Variants in ELP4 observed in about 807,000 individuals in gnomAD.
ELP4 encodes elongator acetyltransferase complex subunit 4, also known as elongator complex protein 4.
A neutral mutation model predicts 48.9 loss-of-function variants in ELP4; 51 were observed. The ratio of observed to expected loss-of-function variants is 1.04; its 90% CI spans 0.83 to 1.32. The LOEUF (loss-of-function observed/expected upper bound fraction) is 1.32, where lower values mean the gene tolerates loss of function less well. ELP4 is among the 40% of genes most tolerant of loss of function. The pLI is 0.00. For missense variants in ELP4, 519 were observed against 514.6 expected (o/e 1.01, Z -0.08); for synonymous variants, 210 against 189.2 (o/e 1.11, Z -0.90).
intron 3 of ELP4, among the ~76,000 whole-genome samples, chr11:31,550,754 C>T (rs990664371): frequency 6.6e-6 from 1 of 152,118 alleles, no homozygotes; most frequent in Non-Finnish European, 1.5e-5. Flanking sequence ...ATGAAGATTT[C>T]CCAGACATTT....
rs368443240 is a variant in ELP4 at position 31,509,799 on chromosome 11, A to C, written c.15A>C (p.Ala5=). 53 of 1,614,010 alleles carry C rather than the reference A, an allele frequency of 3.3e-5. No individual in the cohort carries two copies. The African/African-American group carries it at 5.9e-4, about 18-fold the overall frequency. Residue 5 remains alanine, a synonymous_variant, in exon 1 of 10, where the codon GCA becomes GCC. Transcript: ENST00000640961. MAAV[A]TCGSVAASTG... ...GAGGCTCTAAGATGGCGGCAGTGGC[A>C]ACCTGCGGTAGTGTTGCCGCGAGTA...
chr11:31,631,664 CGA>C (rs771102348), intron 6 of ELP4, among the ~76,000 whole-genome samples: 1 of 151,934 alleles, frequency 6.6e-6, no homozygotes, highest in Non-Finnish European at 1.5e-5. Context: ...TTAAATTTTA[CGA>C]AGAGTGTTGA....
chr11:31,596,398 C>A (rs1386367724), intron 4 of ELP4, among the ~76,000 whole-genome samples: 1 of 151,962 alleles, frequency 6.6e-6, no homozygotes, highest in South Asian at 2.1e-4. Context: ...AGCAGGACTC[C>A]GTCTCAAAAA....
chr11:31,727,884 C>T (rs938502380), intron 9 of ELP4: 7 of 152,070 alleles, frequency 4.6e-5, no homozygotes, highest in Non-Finnish European at 8.8e-5. Context: ...AATAGATACT[C>T]TAAGTGCACA....
chr11:31,534,281 G>T (rs112248739), intron 2 of ELP4, among the ~76,000 whole-genome samples: 44 of 151,946 alleles, frequency 2.9e-4, no homozygotes, highest in African/African-American at 1.1e-3. Flanking sequence ...GTGTGTGTGT[G>T]TGTGTGTGTG....
chr11:31,577,811 A>G (rs1183005267), intron 3 of ELP4, among the ~76,000 whole-genome samples: 1 of 152,302 alleles, frequency 6.6e-6, no homozygotes, highest in South Asian at 2.1e-4. Context: ...AATAAGCGCT[A>G]TTTATGACAA....
intron 3 of ELP4, among the ~76,000 whole-genome samples, chr11:31,590,331 G>T (rs1013260112): frequency 5.9e-5 from 9 of 151,858 alleles, no homozygotes; most frequent in African/African-American, 2.2e-4. Flanking sequence ...GCATATATTG[G>T]TACTCAATAA....
At chr11:31,659,928 G>A (rs1945518292) in intron 9 of ELP4, among the ~76,000 whole-genome samples, 1 of 152,094 alleles carries the variant, frequency 6.6e-6, no homozygotes, top group Admixed American at 6.6e-5. Flanking sequence ...GGAGGTGGAG[G>A]TTGCAGTGAG....
At chr11:31,716,825 G>C (rs927044961) in intron 9 of ELP4, among the ~76,000 whole-genome samples, 1 of 152,168 alleles carries the variant, frequency 6.6e-6, no homozygotes, top group Non-Finnish European at 1.5e-5. Flanking sequence ...GAATGAAATA[G>C]AGATTAATTA....
rs886843979 is a variant in ELP4 at position 31,788,350 on chromosome 11, T to TC, written c.*4832dup. On this transcript the variant is annotated 3_prime_UTR_variant, in exon 10 of 10. Transcript: ENST00000640961. ...GCTCATTATTCCTTGACATGCAACA[T>TC]CCCCCCTCCACCCTCCAACCATCCA... 4.5e-5 allele frequency: 10 copies of TC among 223,944 alleles called. No individual in the cohort carries two copies. The highest frequency in any genetic ancestry group is 1.8e-4 in the South Asian group (1 of 5,442). The allele number at this position is 223,944 out of a possible 1,614,324, so 13.9% of individuals were successfully genotyped here.
At chr11:31,516,524 C>T (rs7930217) in intron 1 of ELP4, among the ~76,000 whole-genome samples, 40,902 of 152,112 alleles carry the variant, frequency 0.27, 5,809 homozygotes, top group African/African-American at 0.35. Context: ...GAGACTGGGT[C>T]TCACATTGTT....
At chr11:31,578,070 T>C (rs1957317900) in intron 3 of ELP4, among the ~76,000 whole-genome samples, 1 of 152,230 alleles carries the variant, frequency 6.6e-6, no homozygotes, top group South Asian at 2.1e-4. Context: ...CAAAATCTCC[T>C]TAAGCTGATA....
At chr11:31,735,499 AC>A (rs1219883797) in intron 9 of ELP4, among the ~76,000 whole-genome samples, 1 of 152,252 alleles carries the variant, frequency 6.6e-6, no homozygotes, top group Non-Finnish European at 1.5e-5. Flanking sequence ...AGAAGGAAAT[AC>A]AGGGCATTCA....
chr11:31,706,400 G>A (rs1189422676), intron 9 of ELP4, among the ~76,000 whole-genome samples: 1 of 151,504 alleles, frequency 6.6e-6, no homozygotes, highest in Non-Finnish European at 1.5e-5. Context: ...AGAGGCCAAG[G>A]TGGGAAGATT....
intron 5 of ELP4, among the ~76,000 whole-genome samples, chr11:31,607,154 AACT>A (rs1211295777): frequency 6.6e-6 from 1 of 152,216 alleles, no homozygotes; most frequent in Non-Finnish European, 1.5e-5. Context: ...ACCAGGCACC[AACT>A]CTGCTGGCAT....
At chr11:31,780,411 C>T (rs1337809280) in intron 9 of ELP4, among the ~76,000 whole-genome samples, 3 of 152,154 alleles carry the variant, frequency 2.0e-5, no homozygotes, top group East Asian at 1.9e-4. Context: ...GCATAGTAAG[C>T]TCATTCAAGT....
At chr11:31,533,924 C>T (rs999781780) in intron 2 of ELP4, among the ~76,000 whole-genome samples, 14 of 152,036 alleles carry the variant, frequency 9.2e-5, no homozygotes, top group African/African-American at 2.7e-4. Flanking sequence ...CAAGCTCCTC[C>T]TCCCGGGTTC....
intron 9 of ELP4, among the ~76,000 whole-genome samples, chr11:31,748,315 G>A (rs1171606626): frequency 1.3e-5 from 2 of 148,812 alleles, no homozygotes; most frequent in Non-Finnish European, 3.0e-5. Flanking sequence ...TGCAACCTCA[G>A]CTCACTGCAA....
At chr11:31,766,742 T>C (rs751364803) in intron 9 of ELP4, among the ~76,000 whole-genome samples, 1 of 152,062 alleles carries the variant, frequency 6.6e-6, no homozygotes, top group African/African-American at 2.4e-5. Context: ...ATGCCTGTTA[T>C]AATTTTTCAT....
Sources: gnomAD v4.1 joint callset for allele counts (sites outside exome capture counted in the v4.1 genomes callset) on GRCh38, gnomAD v4.1.1 for gene constraint, MANE v1.5 for transcripts, NCBI Gene and HGNC (gene_info 2026-07-23, HGNC 2026-07-21) for gene names.